SGO2: variants seen among roughly 807,000 people sequenced by gnomAD.
The protein encoded by SGO2 is shugoshin-like 2.
A neutral mutation model predicts 99.5 loss-of-function variants in SGO2; 68 were observed. That is an observed-to-expected ratio of 0.68 (90% CI 0.56 to 0.84). SGO2 has a LOEUF of 0.84. SGO2 is among the 40% of genes least tolerant of loss of function. The probability of loss-of-function intolerance (pLI) is 0.00; values close to 1 mark genes in which losing one functional copy is unlikely to be tolerated. For synonymous variants in SGO2, 457 were observed against 487.1 expected (o/e 0.94, Z 0.81); for missense variants, 1,350 against 1,436.7 (o/e 0.94, Z 0.97).
rs1470397297 is a variant in SGO2 at position 200,577,699 on chromosome 2, T to G, written c.3782+2238T>G. 2.6e-5 allele frequency among the ~76,000 whole-genome samples: 4 copies of G among 152,190 alleles called. No individual in the cohort carries two copies. The East Asian group carries it at 7.7e-4, about 29-fold the overall frequency. ...CAGTCTTTTTTTTTTTTTTCTGCCT[T>G]GGACACCTTTGAAGACTACTGGTCA... On this transcript the variant is annotated intron_variant, in intron 8 of 8. Transcript: ENST00000357799.
Position 200,558,083 on chromosome 2 carries a change from C to T in SGO2, c.474-11580C>T, listed in dbSNP as rs186989777. Among the ~76,000 whole-genome samples, 28 of 152,122 alleles carry T rather than the reference C, an allele frequency of 1.8e-4. No individual in the cohort carries two copies. The East Asian group carries it at 3.7e-3, about 20-fold the overall frequency. On this transcript the variant is annotated intron_variant, in intron 5 of 8. Transcript: ENST00000357799. ...TTCACCATGTTGGCCAGGGTGGTCTCGATCTCTTGAACCTCGTGATCTGTC... is the reference window on the plus strand; with the variant it reads ...TTCACCATGTTGGCCAGGGTGGTCTTGATCTCTTGAACCTCGTGATCTGTC...
chr2:200,540,524 A>T lies in SGO2; in HGVS notation c.388-2055A>T, dbSNP rs188512491. On this transcript the variant is annotated intron_variant, in intron 4 of 8. Coordinates refer to ENST00000357799, the MANE Select transcript of SGO2 (RefSeq NM_152524.6). The stretch of plus-strand genomic sequence containing the variant: ...GGAACAGGGAAGGGTGCACCTCATT[A>T]CTTTCATGGCCTCTGCTGACATGAG... Among the ~76,000 whole-genome samples the T allele has an allele frequency of 2.8e-3, 427 of 152,250 alleles. 2 individuals carry two copies. Among genetic ancestry groups the T allele is most frequent in the African/African-American group, 9.7e-3 (403 of 41,548 alleles).
chr2:200,540,359 A>G (rs933337981), intron 4 of SGO2, among the ~76,000 whole-genome samples: 10 of 152,172 alleles, frequency 6.6e-5, no homozygotes, highest in African/African-American at 2.4e-4. Context: ...CTTTGACACT[A>G]CACTGGTGGT....
At chr2:200,528,993 T>C (rs1390892394) in intron 1 of SGO2, among the ~76,000 whole-genome samples, 1 of 152,234 alleles carries the variant, frequency 6.6e-6, no homozygotes, top group Non-Finnish European at 1.5e-5. Context: ...GTATTTGATT[T>C]AACAACATAG....
chr2:200,576,628 G>T (rs1406518208), intron 8 of SGO2, among the ~76,000 whole-genome samples: 11 of 152,106 alleles, frequency 7.2e-5, no homozygotes, highest in Non-Finnish European at 1.6e-4. Context: ...TCATCAATAT[G>T]TGCAACCATT....
chr2:200,580,767 C>T (rs1258535804), intron 8 of SGO2, among the ~76,000 whole-genome samples: 1 of 152,116 alleles, frequency 6.6e-6, no homozygotes, highest in Non-Finnish European at 1.5e-5. Flanking sequence ...CCTGGTAGGT[C>T]AAGGCTGCAG....
At chr2:200,547,605 G>C (rs2032285286) in intron 5 of SGO2, among the ~76,000 whole-genome samples, 1 of 152,086 alleles carries the variant, frequency 6.6e-6, no homozygotes, top group Non-Finnish European at 1.5e-5. Context: ...TATGTAAATT[G>C]ATACAACTAA....
intron 1 of SGO2, among the ~76,000 whole-genome samples, chr2:200,531,018 TAGC>T (rs1451554684): frequency 6.6e-6 from 1 of 152,112 alleles, no homozygotes; most frequent in African/African-American, 2.4e-5. Flanking sequence ...GGTGAGGAAA[TAGC>T]AGTGTGTTTG....
intron 4 of SGO2, among the ~76,000 whole-genome samples, chr2:200,537,470 T>C (rs566270366): frequency 1.3e-5 from 2 of 152,278 alleles, no homozygotes; most frequent in South Asian, 4.1e-4. Context: ...AAAGTCACCA[T>C]TGATGTCCAT....
At chr2:200,528,799 A>G (rs1490004162) in intron 1 of SGO2, among the ~76,000 whole-genome samples, 1 of 152,176 alleles carries the variant, frequency 6.6e-6, no homozygotes, top group Non-Finnish European at 1.5e-5. Flanking sequence ...GGTTAGGGAG[A>G]TGAAGAATAA....
At chr2:200,579,433 C>A (rs1230869051) in intron 8 of SGO2, among the ~76,000 whole-genome samples, 1 of 152,126 alleles carries the variant, frequency 6.6e-6, no homozygotes, top group Non-Finnish European at 1.5e-5. Flanking sequence ...TTGCCTTGTT[C>A]CTGATTTTAG....
At chr2:200,529,053 G>T (rs2031239446) in intron 1 of SGO2, among the ~76,000 whole-genome samples, 1 of 152,186 alleles carries the variant, frequency 6.6e-6, no homozygotes, top group Admixed American at 6.5e-5. Context: ...GGTGAGAGCA[G>T]AAATTTCATT....
At chr2:200,540,074 A>G (rs1013061970) in intron 4 of SGO2, among the ~76,000 whole-genome samples, 1 of 150,122 alleles carries the variant, frequency 6.7e-6, no homozygotes, top group African/African-American at 2.5e-5. Context: ...CTTTGTATCT[A>G]TTTGTTTGCT....
chr2:200,542,771 T>C (rs980036656), intron 5 of SGO2, 107 bp downstream of exon 5: 3 of 904,652 alleles, frequency 3.3e-6, no homozygotes, highest in South Asian at 2.1e-5. Context: ...CCTGTAGTTA[T>C]CTACTAACGT....
intron 5 of SGO2, among the ~76,000 whole-genome samples, chr2:200,554,742 C>T (rs181249899): frequency 3.9e-5 from 6 of 152,302 alleles, no homozygotes; most frequent in Admixed American, 3.3e-4. Context: ...TTTGACAGTG[C>T]TTCCTGTAAG....
Position 200,570,919 on chromosome 2 carries a change from A to G in SGO2, c.704-131A>G. 1.4e-6 allele frequency: 1 copy of G among 716,788 alleles called. No individual in the cohort carries two copies. The highest frequency in any genetic ancestry group is 2.2e-6 in the Non-Finnish European group (1 of 464,618). 44.4% of individuals were successfully genotyped at this position (716,788 alleles called of 1,614,324 possible). ...CTTATAAGCATAGATTCTTAGTAAT[A>G]TTAGGATCTGATCAGAACACATTGT... On this transcript the variant is annotated intron_variant, in intron 6 of 8. Transcript: ENST00000357799. The surrounding 1 kb of genome is among the most constrained non-coding windows in gnomAD (Gnocchi z 4.4).
At chr2:200,532,898 C>A in intron 1 of SGO2, 76 bp from the exon 2 acceptor site, 1 of 1,396,970 alleles carries the variant, frequency 7.2e-7, no homozygotes, top group Non-Finnish European at 9.7e-7. Context: ...ATGATTGTTA[C>A]TTTTTAAAAT....
In SGO2 at chr2:200,573,895, C is replaced by G. The variant is rs1329003494; in HGVS notation, c.3549C>G (p.Ala1183=). 1 of 1,612,024 alleles carries G rather than the reference C, an allele frequency of 6.2e-7. No homozygotes were observed. The highest frequency in any genetic ancestry group is 2.2e-5 in the East Asian group (1 of 44,838). ...ATTTTGCCTTGGAGTGCTCCCCAGC[C>G]TTTCAAGTAAGTGATGATGAGCATG... ...KENFALECSP[A]FQVSDDEHEK... is the part of the protein sequence containing the mutation. Residue 1183 remains alanine (A), a synonymous_variant, in exon 7 of 9, where the codon GCC becomes GCG. Coordinates refer to ENST00000357799, the MANE Select transcript of SGO2 (RefSeq NM_152524.6).
rs185295242 is a variant in SGO2 at position 200,579,065 on chromosome 2, A to G, written c.3782+3604A>G. On this transcript the variant is annotated intron_variant, in intron 8 of 8. Transcript: ENST00000357799. Reference sequence around the variant, plus strand: ...ATTTATAACAACCAAAAATGTCTCCATATGTTGCAAAATTTCAACTGGGAG... The same window carrying G: ...ATTTATAACAACCAAAAATGTCTCCGTATGTTGCAAAATTTCAACTGGGAG... Among the ~76,000 whole-genome samples the G allele has an allele frequency of 2.2e-3, 338 of 152,290 alleles. 2 individuals are homozygous for G. The highest frequency in any genetic ancestry group is 7.6e-3 in the African/African-American group (314 of 41,566).
Sources: allele counts gnomAD v4.1 joint callset (sites outside exome capture counted in the v4.1 genomes callset), GRCh38; gene constraint gnomAD v4.1.1; non-coding constraint Gnocchi (gnomAD v3.1); transcripts MANE v1.5; gene names NCBI Gene and HGNC (gene_info 2026-07-23, HGNC 2026-07-21).